Variants in KIAA0825 observed in about 807,000 individuals in gnomAD.
KIAA0825 encodes KIAA0825.
KIAA0825 carries 119 observed loss-of-function variants against 147.6 expected under a neutral mutation model. The ratio of observed to expected loss-of-function variants is 0.81; its 90% CI spans 0.69 to 0.94. KIAA0825 has a LOEUF of 0.94. KIAA0825 is among the 40% of genes least tolerant of loss of function. KIAA0825 has a pLI of 0.00. For synonymous variants in KIAA0825, 470 were observed against 518.1 expected, an observed-to-expected ratio of 0.91 and a Z score of 1.26; for missense variants, 1,381 against 1,472.7, an observed-to-expected ratio of 0.94 and a Z score of 1.02.
chr5:94,255,402 C>T (rs776380478), intron 20 of KIAA0825, among the ~76,000 whole-genome samples: 20 of 151,778 alleles, frequency 1.3e-4, no homozygotes, highest in Non-Finnish European at 2.8e-4. Context: ...AAAATGCTTT[C>T]GATGAGGAAA....
intron 17 of KIAA0825, 142 bp downstream of exon 17, chr5:94,395,959 T>A (rs1340490493): frequency 1.4e-6 from 1 of 728,602 alleles, no homozygotes; most frequent in Admixed American, 3.7e-5. Flanking sequence ...GGGATACTTA[T>A]CTTTTTTTAT....
intron 12 of KIAA0825, among the ~76,000 whole-genome samples, chr5:94,455,542 A>G (rs1452783337): frequency 6.6e-6 from 1 of 152,126 alleles, no homozygotes; most frequent in Non-Finnish European, 1.5e-5. Flanking sequence ...ATTTTTTAAT[A>G]TAGGAGATGT....
chr5:94,613,333 A>G (rs1789432204), intron 1 of KIAA0825, among the ~76,000 whole-genome samples: 1 of 152,014 alleles, frequency 6.6e-6, no homozygotes, highest in African/African-American at 2.4e-5. Flanking sequence ...AGTAGCTGGG[A>G]TTACATGTGC....
At chr5:94,411,006 A>C (rs1752692495) in intron 15 of KIAA0825, among the ~76,000 whole-genome samples, 1 of 152,184 alleles carries the variant, frequency 6.6e-6, no homozygotes, top group Non-Finnish European at 1.5e-5. Context: ...GAGCAAAAAT[A>C]AAACAATAAA....
chr5:94,503,764 A>T (rs1765372051), intron 5 of KIAA0825, among the ~76,000 whole-genome samples: 1 of 152,264 alleles, frequency 6.6e-6, no homozygotes, highest in African/African-American at 2.4e-5. Flanking sequence ...ATCTTTCCCA[A>T]GGGTTCTGAA....
chr5:94,318,826 G>C (rs1779898372), intron 20 of KIAA0825, among the ~76,000 whole-genome samples: 1 of 151,906 alleles, frequency 6.6e-6, no homozygotes. Context: ...AGTAGGACAG[G>C]ACCAGGAACG....
intron 20 of KIAA0825, among the ~76,000 whole-genome samples, chr5:94,294,479 G>A (rs548952801): frequency 1.1e-4 from 17 of 152,306 alleles, no homozygotes; most frequent in African/African-American, 3.8e-4. Flanking sequence ...TGTAATCCCA[G>A]CACTTTGGGA....
intron 18 of KIAA0825, 142 bp downstream of exon 18, chr5:94,391,393 A>G: frequency 2.7e-6 from 2 of 748,528 alleles, no homozygotes; most frequent in Middle Eastern, 3.9e-4. Context: ...GGGGCTGAAT[A>G]GATTCTATTA....
At chr5:94,436,606 T>C (rs1756404406) in intron 14 of KIAA0825, among the ~76,000 whole-genome samples, 1 of 152,176 alleles carries the variant, frequency 6.6e-6, no homozygotes, top group Non-Finnish European at 1.5e-5. Flanking sequence ...CTACCCGGGC[T>C]CTTTTTTTGG....
intron 10 of KIAA0825, among the ~76,000 whole-genome samples, chr5:94,466,263 C>T (rs772900032): frequency 4.6e-5 from 7 of 152,110 alleles, no homozygotes; most frequent in Non-Finnish European, 8.8e-5. Context: ...GCCAATGAAA[C>T]GATAATAATT....
At chr5:94,184,400 T>A (rs1769934735) in intron 20 of KIAA0825, among the ~76,000 whole-genome samples, 1 of 152,230 alleles carries the variant, frequency 6.6e-6, no homozygotes, top group South Asian at 2.1e-4. Flanking sequence ...TTTTGCCATT[T>A]TCATACATGC....
intron 20 of KIAA0825, among the ~76,000 whole-genome samples, chr5:94,240,002 T>C (rs1044616895): frequency 5.3e-5 from 8 of 152,214 alleles, no homozygotes; most frequent in Admixed American, 4.6e-4. Flanking sequence ...AGATTGCCTG[T>C]GTGTTGCATA....
intron 8 of KIAA0825, among the ~76,000 whole-genome samples, chr5:94,472,881 G>A (rs558223398): frequency 2.6e-5 from 4 of 152,316 alleles, no homozygotes; most frequent in African/African-American, 9.6e-5. Context: ...ATATGGAGAT[G>A]TAAGACTGAT....
intron 1 of KIAA0825, among the ~76,000 whole-genome samples, chr5:94,608,491 A>ATTATATTATAT (rs1393256543): frequency 8.2e-5 from 1 of 12,156 alleles, no homozygotes; most frequent in Non-Finnish European, 1.4e-4. Context: ...ATATATATAT[A>ATTATATTATAT]ATTATATATA....
rs527700357 is a variant in KIAA0825 at position 94,360,242 on chromosome 5, C to G, written c.3710+24126G>C. Among the ~76,000 whole-genome samples the G allele has an allele frequency of 2.6e-5, 4 of 152,052 alleles. No homozygotes were observed. The East Asian group carries it at 7.7e-4, about 29-fold the overall frequency. ...AACCTGGCTTCTGATGGCAATTCAC[C>G]GAGAGGGAAAGAATTACCAGATCTA... On this transcript the variant is annotated intron_variant, in intron 20 of 20. Transcript: ENST00000682413.
At chr5:94,173,847 G>A (rs1768858899) in intron 20 of KIAA0825, among the ~76,000 whole-genome samples, 1 of 152,136 alleles carries the variant, frequency 6.6e-6, no homozygotes, top group African/African-American at 2.4e-5. Context: ...TCAGAACAGG[G>A]AAAGCAACAT....
chr5:94,461,456 T>C (rs1759822492), intron 12 of KIAA0825, among the ~76,000 whole-genome samples: 1 of 151,908 alleles, frequency 6.6e-6, no homozygotes, highest in Admixed American at 6.6e-5. Flanking sequence ...GTATCAACCG[T>C]ATGGTGATTT....
intron 20 of KIAA0825, among the ~76,000 whole-genome samples, chr5:94,229,241 G>A (rs1774475486): frequency 6.6e-6 from 1 of 152,162 alleles, no homozygotes; most frequent in African/African-American, 2.4e-5. Context: ...CCTTGTATGT[G>A]TGAAAATGTC....
At chr5:94,218,219 A>T (rs1359627161) in intron 20 of KIAA0825, among the ~76,000 whole-genome samples, 1 of 152,204 alleles carries the variant, frequency 6.6e-6, no homozygotes, top group Non-Finnish European at 1.5e-5. Flanking sequence ...TGCTTCTGGA[A>T]TCCTGAACTT....
Sources: gnomAD v4.1 joint callset for allele counts (sites outside exome capture counted in the v4.1 genomes callset) on GRCh38, gnomAD v4.1.1 for gene constraint, MANE v1.5 for transcripts, NCBI Gene and HGNC (gene_info 2026-07-23, HGNC 2026-07-21) for gene names.